KCNMB2: variants seen among roughly 807,000 people sequenced by gnomAD.
KCNMB2 encodes potassium calcium-activated channel subfamily M regulatory beta subunit 2.
KCNMB2 carries 9 observed loss-of-function variants against 24.5 expected under a neutral mutation model. The observed-to-expected ratio is 0.37, with a 90% CI of 0.22 to 0.64. KCNMB2 has a LOEUF of 0.64. KCNMB2 is among the 30% of genes least tolerant of loss of function. KCNMB2 has a pLI of 0.63. For synonymous variants in KCNMB2, 109 were observed against 104.4 expected (o/e 1.04, Z -0.27); for missense variants, 226 against 284.3 (o/e 0.79, Z 1.47).
intron 1 of KCNMB2, among the ~76,000 whole-genome samples, chr3:178,620,075 T>C (rs1560134493): frequency 6.6e-6 from 1 of 152,208 alleles, no homozygotes; most frequent in Non-Finnish European, 1.5e-5. Flanking sequence ...TATTGACTTA[T>C]TCTATGGAAA....
chr3:178,758,962 GAT>G (rs537967084), intron 1 of KCNMB2, among the ~76,000 whole-genome samples: 1 of 374 alleles, frequency 2.7e-3, no homozygotes, highest in Non-Finnish European at 4.0e-3. Context: ...CTCCAAGAGG[GAT>G]ATATATATAT....
intron 1 of KCNMB2, among the ~76,000 whole-genome samples, chr3:178,642,910 T>C (rs1719778405): frequency 6.6e-6 from 1 of 152,202 alleles, no homozygotes; most frequent in African/African-American, 2.4e-5. Context: ...GTTTTAAATG[T>C]TATGGAAATA....
Position 178,655,095 on chromosome 3 carries a change from C to T in KCNMB2, c.-68+118384C>T, listed in dbSNP as rs111524892. 7.3e-3 allele frequency among the ~76,000 whole-genome samples: 811 copies of T among 110,646 alleles called. 7 individuals are homozygous for T. Among genetic ancestry groups the T allele is most frequent in the African/African-American group, 0.013 (376 of 28,540 alleles). 72.6% of individuals were successfully genotyped at this position (110,646 alleles called of 152,430 possible). A position where few individuals can be genotyped will look rare whatever the true frequency, so the allele number is the denominator to read the frequency against. The stretch of plus-strand genomic sequence containing the variant: ...TAAAGTTCAGTAAATATTAGCTCTC[C>T]CTCTCTCTCTCTCTCTCTCTCTCTC... On this transcript the variant is annotated intron_variant, in intron 1 of 4. Transcript: ENST00000452583.
At chr3:178,578,450 C>T (rs1360904807) in intron 1 of KCNMB2, among the ~76,000 whole-genome samples, 2 of 152,178 alleles carry the variant, frequency 1.3e-5, no homozygotes, top group Admixed American at 1.3e-4. Context: ...ACCATTGACA[C>T]TATAAAGAAA....
chr3:178,835,005 T>A (rs774739536), intron 4 of KCNMB2, among the ~76,000 whole-genome samples: 1 of 151,944 alleles, frequency 6.6e-6, no homozygotes, highest in African/African-American at 2.4e-5. Flanking sequence ...ACTTTAGGAC[T>A]AATTGGATAC....
Position 178,601,341 on chromosome 3 carries a change from A to G in KCNMB2, c.-68+64630A>G, listed in dbSNP as rs551001930. ...CACATGTACCCCAGAACTTAAGTAT[A>G]ATAAAAATAAATAAATAAATAAAAA... On this transcript the variant is annotated intron_variant, in intron 1 of 4. Coordinates refer to ENST00000452583, the MANE Select transcript of KCNMB2 (RefSeq NM_181361.3). Among the ~76,000 whole-genome samples, 8 of 152,252 alleles carry G rather than the reference A, an allele frequency of 5.3e-5. No individual in the cohort carries two copies. The South Asian group carries it at 1.5e-3, about 28-fold the overall frequency.
At chr3:178,655,597 C>T (rs116439477) in intron 1 of KCNMB2, among the ~76,000 whole-genome samples, 3,219 of 152,198 alleles carry the variant, frequency 0.021, 125 homozygotes, top group African/African-American at 0.073. Flanking sequence ...TCTCCAAAAA[C>T]GACAAAACAA....
chr3:178,760,860 A>G (rs1711833629), intron 1 of KCNMB2, among the ~76,000 whole-genome samples: 1 of 151,936 alleles, frequency 6.6e-6, no homozygotes, highest in African/African-American at 2.4e-5. Context: ...ATTGAAGGAA[A>G]GAATGATTAT....
intron 1 of KCNMB2, among the ~76,000 whole-genome samples, chr3:178,644,279 G>A (rs1474006083): frequency 6.6e-6 from 1 of 152,236 alleles, no homozygotes; most frequent in African/African-American, 2.4e-5. Flanking sequence ...GTGTGCAAAG[G>A]CACTGAGAGA....
rs141855316 is a variant in KCNMB2 at position 178,796,364 on chromosome 3, G to A, written c.-67-10979G>A. 4.4e-4 allele frequency among the ~76,000 whole-genome samples: 67 copies of A among 152,166 alleles called. 1 individual carries two copies. In the South Asian group the frequency reaches 0.01, roughly 24 times the overall value. The stretch of plus-strand genomic sequence containing the variant: ...ACAGATTATCCAGACAGAAATCAGC[G>A]AAGAATCATTGGATTTAATCTGCAC... On this transcript the variant is annotated intron_variant, in intron 1 of 4. Coordinates refer to ENST00000452583, the MANE Select transcript of KCNMB2 (RefSeq NM_181361.3).
intron 1 of KCNMB2, among the ~76,000 whole-genome samples, chr3:178,578,158 CA>C: frequency 6.6e-6 from 1 of 152,268 alleles, no homozygotes; most frequent in East Asian, 1.9e-4. Flanking sequence ...AAGAGAAGCC[CA>C]TCAAACTAAC....
chr3:178,807,610 A>C (rs937819275), intron 2 of KCNMB2, 145 bp downstream of exon 2: 3 of 614,382 alleles, frequency 4.9e-6, no homozygotes, highest in Non-Finnish European at 8.4e-6. Context: ...AGGGTTTCAG[A>C]CACTTTGGCC....
intron 1 of KCNMB2, among the ~76,000 whole-genome samples, chr3:178,743,762 CTGGAGCTCA>C (rs1723571896): frequency 6.6e-6 from 1 of 152,226 alleles, no homozygotes; most frequent in Admixed American, 6.5e-5. Flanking sequence ...ACTTCTATCT[CTGGAGCTCA>C]TGGCGCTATA....
intron 1 of KCNMB2, among the ~76,000 whole-genome samples, chr3:178,735,479 G>A (rs1160733545): frequency 1.3e-5 from 2 of 152,242 alleles, no homozygotes; most frequent in Admixed American, 1.3e-4. Flanking sequence ...ACACTCTGAA[G>A]AGTCCTGGCT....
chr3:178,722,772 G>A (rs959851063), intron 1 of KCNMB2, among the ~76,000 whole-genome samples: 1 of 152,060 alleles, frequency 6.6e-6, no homozygotes, highest in South Asian at 2.1e-4. Context: ...GCATGCTTGT[G>A]GTCCCAGTTA....
chr3:178,702,288 G>C (rs1722127891), intron 1 of KCNMB2, among the ~76,000 whole-genome samples: 1 of 100,960 alleles, frequency 9.9e-6, no homozygotes, highest in African/African-American at 3.9e-5. Flanking sequence ...GTTGTGGGGT[G>C]GGGGGAGGGG....
chr3:178,576,711 T>C (rs949503814), intron 1 of KCNMB2, among the ~76,000 whole-genome samples: 5 of 152,130 alleles, frequency 3.3e-5, no homozygotes, highest in Non-Finnish European at 7.4e-5. Flanking sequence ...CCTCACAGTG[T>C]AAACAAAGCC....
At position 178,725,549 on chromosome 3, in the gene KCNMB2, A is replaced by C. The variant is rs560885833; in HGVS notation, c.-67-81794A>C. Among the ~76,000 whole-genome samples the C allele has an allele frequency of 2.8e-4, 43 of 152,190 alleles. 1 individual carries two copies. Among genetic ancestry groups the C allele is most frequent in the African/African-American group, 1.0e-3 (43 of 41,578 alleles). On this transcript the variant is annotated intron_variant, in intron 1 of 4. Coordinates refer to ENST00000452583, the MANE Select transcript of KCNMB2 (RefSeq NM_181361.3). Reference sequence around the variant, plus strand: ...ATATAAAAATCAGTAGCATTTCTATACACGTGATATCTTTCAACTAGATTT... The same window carrying C: ...ATATAAAAATCAGTAGCATTTCTATCCACGTGATATCTTTCAACTAGATTT...
At chr3:178,760,434 GATAT>G (rs1375105623) in intron 1 of KCNMB2, among the ~76,000 whole-genome samples, 2 of 132,450 alleles carry the variant, frequency 1.5e-5, no homozygotes, top group Non-Finnish European at 3.2e-5. Context: ...CCATATCCAA[GATAT>G]ATATATTATA....
Sources: gnomAD v4.1 joint callset for allele counts (sites outside exome capture counted in the v4.1 genomes callset) on GRCh38, gnomAD v4.1.1 for gene constraint, MANE v1.5 for transcripts, NCBI Gene and HGNC (gene_info 2026-07-23, HGNC 2026-07-21) for gene names.